Variants in MGAT2 observed in about 807,000 individuals in gnomAD.
The protein encoded by MGAT2 is Beta-1,2-N-acetylglucosaminyltransferase II.
Under a neutral mutation model 33.8 loss-of-function variants are expected in MGAT2, and 17 were observed. The ratio of observed to expected loss-of-function variants is 0.50; its 90% CI spans 0.34 to 0.76. The LOEUF (loss-of-function observed/expected upper bound fraction) is 0.76. Among genes scored for constraint, MGAT2 ranks in the 30% least tolerant of loss-of-function variants. The pLI, the probability that MGAT2 is intolerant of heterozygous loss-of-function variation, is 0.01. For synonymous variants in MGAT2, 248 were observed against 226.7 expected, an observed-to-expected ratio of 1.09 and a Z score of -0.84; for missense variants, 529 against 553.9, an observed-to-expected ratio of 0.96 and a Z score of 0.45.
At position 49,622,922 on chromosome 14, in the gene MGAT2, A is replaced by G. The variant is rs886050520; in HGVS notation, c.*310A>G. 18 of 210,314 alleles carry G rather than the reference A, an allele frequency of 8.6e-5. No homozygotes were observed. Among genetic ancestry groups the G allele is most frequent in the Admixed American group, 4.4e-4 (8 of 18,388 alleles). The allele number at this position is 210,314 out of a possible 1,614,324, so 13.0% of individuals were successfully genotyped here. A position where few individuals can be genotyped will look rare whatever the true frequency, so the allele number is the denominator to read the frequency against. On this transcript the variant is annotated 3_prime_UTR_variant, in exon 1 of 1. Transcript: ENST00000305386. ...TTAATCTTTTTATCTGAAACTTTGT[A>G]CACTTTTCCACTTTCAAAACCTATT...
rs1371429192 is a variant in MGAT2 at position 49,622,014 on chromosome 14, G to A, written c.746G>A (p.Arg249Gln). Residue 249 changes from arginine to glutamine, a missense_variant, in exon 1 of 1, where the codon CGA becomes CAA. By Grantham distance (43) the Arg-to-Gln change is conservative. Around this residue, in one of 2 missense-constraint regions of MGAT2, gnomAD observed 501 missense variants for 501.1 expected, o/e 1.00. Coordinates refer to ENST00000305386, the MANE Select transcript of MGAT2 (RefSeq NM_002408.4). ...HFVWERVKIL[R>Q]DYAGLILFLE... ...GTGTGGGAAAGAGTGAAAATTCTTC[G>A]AGATTATGCTGGCCTTATACTTTTC... 2.5e-6 allele frequency: 4 copies of A among 1,613,810 alleles called. No homozygotes were observed. In the African/African-American group the frequency reaches 5.3e-5, roughly 22 times the overall value.
Position 49,621,542 on chromosome 14 carries a change from C to G in MGAT2, c.274C>G (p.Arg92Gly). 1 of 1,613,522 alleles carries G rather than the reference C, an allele frequency of 6.2e-7. No homozygotes were observed. The highest frequency in any genetic ancestry group is 8.5e-7 in the Non-Finnish European group (1 of 1,179,902). ...GGCGGACAACCTGACGCTGCGGTAC[C>G]GGTCCCTGGTGTACCAGCTGAACTT... ...PEADNLTLRY[R>G]SLVYQLNFDQ... is the part of the protein sequence containing the mutation. The change falls in exon 1 of 1, where the codon CGG (arginine) becomes GGG (glycine). Residue 92 changes from arginine (R) to glycine (G), a missense_variant. Arg to Gly is a moderately radical substitution (Grantham distance 125). Transcript: ENST00000305386. The surrounding 1 kb of genome is among the most constrained non-coding windows in gnomAD (Gnocchi z 4.6).
rs1882880928 is a variant in MGAT2 at position 49,622,381 on chromosome 14, G to A, written c.1113G>A (p.Arg371=). 1.2e-6 allele frequency: 2 copies of A among 1,614,116 alleles called. No individual in the cohort carries two copies. The highest frequency in any genetic ancestry group is 8.5e-7 in the Non-Finnish European group (1 of 1,180,020). Residue 371 remains arginine, a synonymous_variant, in exon 1 of 1, where the codon AGG becomes AGA. Transcript: ENST00000305386. ...AAGTGCTGGTTCCTCAAATTCCTAG[G>A]ATCTTTCATGCTGGAGACTGTGGTA... ...FWKVLVPQIP[R]IFHAGDCGMH...
Position 49,620,840 on chromosome 14 carries a change from G to A in MGAT2, c.-429G>A, listed in dbSNP as rs886050513. The A allele has an allele frequency of 1.6e-6, 1 of 633,464 alleles. No homozygotes were observed. Among genetic ancestry groups the A allele is most frequent in the Admixed American group, 2.6e-5 (1 of 38,718 alleles). 39.2% of individuals were successfully genotyped at this position (633,464 alleles called of 1,614,324 possible). On this transcript the variant is annotated 5_prime_UTR_variant, in exon 1 of 1. Coordinates refer to ENST00000305386, the MANE Select transcript of MGAT2 (RefSeq NM_002408.4). ...ATAACGGTCCCCGCCGGAGTGAGGCGAGGCCGCGTCGCTCAGTTCTGGCCG... is the reference window on the plus strand; with the variant it reads ...ATAACGGTCCCCGCCGGAGTGAGGCAAGGCCGCGTCGCTCAGTTCTGGCCG...
At position 49,622,480 on chromosome 14, in the gene MGAT2, A is replaced by G. The variant is rs1228210878; in HGVS notation, c.1212A>G (p.Gln404=). 6 of 1,608,236 alleles carry G rather than the reference A, an allele frequency of 3.7e-6. No homozygotes were observed. The African/African-American group carries it at 5.4e-5, about 14-fold the overall frequency. ...QIESLLNNNK[Q]YMFPETLTIS... ...AGTCACTCTTAAATAATAACAAACA[A>G]TACATGTTTCCAGAAACTCTAACTA... is the stretch of plus-strand genomic sequence containing the variant. The change falls in exon 1 of 1, where the codon CAA becomes CAG. Residue 404 remains glutamine, a synonymous_variant. Transcript: ENST00000305386.
chr14:49,621,098 G>A lies in MGAT2; in HGVS notation c.-171G>A. On this transcript the variant is annotated 5_prime_UTR_variant, in exon 1 of 1. Transcript: ENST00000305386. This position sits in a 1 kb window ranked among gnomAD's most constrained non-coding sequence, Gnocchi z 4.6. ...GCAGGCGGCGCGGGGTAAATGAGAG[G>A]TCTCGGGCCCCAGGACCCCCGGGGC... The A allele has an allele frequency of 1.1e-6, 1 of 936,060 alleles. No homozygotes were observed. The highest frequency in any genetic ancestry group is 1.4e-5 in the South Asian group (1 of 72,022). The allele number at this position is 936,060 out of a possible 1,614,324, so 58.0% of individuals were successfully genotyped here.
chr14:49,621,128 G>C lies in MGAT2; in HGVS notation c.-141G>C. On this transcript the variant is annotated 5_prime_UTR_variant, in exon 1 of 1. Coordinates refer to ENST00000305386, the MANE Select transcript of MGAT2 (RefSeq NM_002408.4). This position sits in a 1 kb window ranked among gnomAD's most constrained non-coding sequence, Gnocchi z 4.6. ...GGGCCCCAGGACCCCCGGGGCCCGG[G>C]ATGAGTTAGCGAGGGCAGCCGCGGG... The C allele has an allele frequency of 7.8e-7, 1 of 1,290,208 alleles. No individual in the cohort carries two copies. The highest frequency in any genetic ancestry group is 2.5e-4 in the Middle Eastern group (1 of 3,930). The allele number at this position is 1,290,208 out of a possible 1,614,324, so 79.9% of individuals were successfully genotyped here.
rs886050514 is a variant in MGAT2, at chr14:49,620,909, G to T, written c.-360G>T. The T allele has an allele frequency of 1.4e-6, 1 of 700,972 alleles. No homozygotes were observed. Among genetic ancestry groups the T allele is most frequent in the Non-Finnish European group, 2.6e-6 (1 of 384,270 alleles). 43.4% of individuals were successfully genotyped at this position (700,972 alleles called of 1,614,324 possible). A position where few individuals can be genotyped will look rare whatever the true frequency, so the allele number is the denominator to read the frequency against. The stretch of plus-strand genomic sequence containing the variant: ...ATGAGAGCGCAGAGGACGCAGGGCC[G>T]CTGGAGGCGCAGGTAACGAAGCTAG... On this transcript the variant is annotated 5_prime_UTR_variant, in exon 1 of 1. Coordinates refer to ENST00000305386, the MANE Select transcript of MGAT2 (RefSeq NM_002408.4).
rs1415584595 is a variant in MGAT2, at chr14:49,621,945, A to G, written c.677A>G (p.Lys226Arg). 3.7e-6 allele frequency: 6 copies of G among 1,614,110 alleles called. No homozygotes were observed. Among genetic ancestry groups the G allele is most frequent in the Admixed American group, 1.7e-5 (1 of 60,002 alleles). The stretch of plus-strand genomic sequence containing the variant: ...TCCTTCGGCCATTATAGAGAGGCCA[A>G]ATTCTCCCAGACCAAACATCACTGG... ...PDSFGHYREA[K>R]FSQTKHHWWW... The change falls in exon 1 of 1, where the codon AAA (lysine) becomes AGA (arginine). Residue 226 changes from lysine (K) to arginine (R), a missense_variant. Physicochemically the swap from Lys to Arg is conservative, Grantham distance 26. Transcript: ENST00000305386. This position sits in a 1 kb window ranked among gnomAD's most constrained non-coding sequence, Gnocchi z 4.6.
In MGAT2 at chr14:49,621,224, G is replaced by A. The variant is rs1407690126; in HGVS notation, c.-45G>A. 6.2e-7 allele frequency: 1 copy of A among 1,610,142 alleles called. No homozygotes were observed. Among genetic ancestry groups the A allele is most frequent in the African/African-American group, 1.3e-5 (1 of 74,850 alleles). ...CCGCCCCTTCCGTGCAGAAGCAGCT[G>A]CTCCTTTCCGCGCCCGCCCGCCTGC... On this transcript the variant is annotated 5_prime_UTR_variant, in exon 1 of 1. Transcript: ENST00000305386. This position sits in a 1 kb window ranked among gnomAD's most constrained non-coding sequence, Gnocchi z 4.6.
At position 49,621,175 on chromosome 14, in the gene MGAT2, G is replaced by C; in HGVS notation, c.-94G>C. ...CGGGGGCCAGTTCCGACCGTGACAGGCCAAGGCGACGGCCGCCGCCCGCCC... is the reference window on the plus strand; with the variant it reads ...CGGGGGCCAGTTCCGACCGTGACAGCCCAAGGCGACGGCCGCCGCCCGCCC... On this transcript the variant is annotated 5_prime_UTR_variant, in exon 1 of 1. Transcript: ENST00000305386. This position sits in a 1 kb window ranked among gnomAD's most constrained non-coding sequence, Gnocchi z 4.6. 2 of 1,575,984 alleles carry C rather than the reference G, an allele frequency of 1.3e-6. No individual in the cohort carries two copies. The highest frequency in any genetic ancestry group is 1.1e-5 in the South Asian group (1 of 88,048).
Position 49,622,344 on chromosome 14 carries a change from C to G in MGAT2, c.1076C>G (p.Pro359Arg), listed in dbSNP as rs578121417. 1 of 1,614,154 alleles carries G rather than the reference C, an allele frequency of 6.2e-7. No homozygotes were observed. The highest frequency in any genetic ancestry group is 1.7e-5 in the Admixed American group (1 of 59,982). The change falls in exon 1 of 1, where the codon CCA becomes CGA. Residue 359 changes from proline (P) to arginine (R), a missense_variant. Physicochemically the swap from Pro to Arg is moderately radical, Grantham distance 103. Coordinates refer to ENST00000305386, the MANE Select transcript of MGAT2 (RefSeq NM_002408.4). ...CAATACTTGACTGTATCTTGTCTTC[C>G]AAAATTCTGGAAAGTGCTGGTTCCT... ...TLQYLTVSCL[P>R]KFWKVLVPQI...
chr14:49,622,257 A>T lies in MGAT2; in HGVS notation c.989A>T (p.Lys330Met). Residue 330 changes from lysine (K) to methionine (M), a missense_variant, in exon 1 of 1, where the codon AAG becomes ATG. This residue lies in a region of MGAT2 where 501 missense variants were observed against 501.1 expected (regional missense o/e 1.00). Coordinates refer to ENST00000305386, the MANE Select transcript of MGAT2 (RefSeq NM_002408.4). ...GCCTTGACCCGGAATGCCTATCAGAAGCTGATCGAGTGCACAGACACTTTC... is the reference window on the plus strand; with the variant it reads ...GCCTTGACCCGGAATGCCTATCAGATGCTGATCGAGTGCACAGACACTTTC... ...GLALTRNAYQ[K>M]LIECTDTFCT... 1 of 1,614,216 alleles carries T rather than the reference A, an allele frequency of 6.2e-7. No individual in the cohort carries two copies. Among genetic ancestry groups the T allele is most frequent in the South Asian group, 1.1e-5 (1 of 91,090 alleles).
In MGAT2 at chr14:49,620,877, T is replaced by C; in HGVS notation, c.-392T>C. 1.4e-6 allele frequency: 1 copy of C among 693,314 alleles called. No individual in the cohort carries two copies. Among genetic ancestry groups the C allele is most frequent in the South Asian group, 1.5e-5 (1 of 66,934 alleles). The allele number at this position is 693,314 out of a possible 1,614,324, so 42.9% of individuals were successfully genotyped here. On this transcript the variant is annotated 5_prime_UTR_variant, in exon 1 of 1. Transcript: ENST00000305386. ...CTCAGTTCTGGCCGTCTAGGGCCCC[T>C]GTAAGGATGAGAGCGCAGAGGACGC...
Position 49,622,486 on chromosome 14 carries a change from GT to G in MGAT2, c.1221del (p.Pro408GlnfsTer4). ...TCTTAAATAATAACAAACAATACATGTTTCCAGAAACTCTAACTATCAGTGA... is the reference window on the plus strand; with the variant it reads ...TCTTAAATAATAACAAACAATACATGTTCCAGAAACTCTAACTATCAGTGA... ...SLLNNNKQYM[F>X]PETLTISEKF... On this transcript the variant is annotated frameshift_variant, in exon 1 of 1. Coordinates refer to ENST00000305386, the MANE Select transcript of MGAT2 (RefSeq NM_002408.4). LOFTEE classifies it high-confidence loss of function. 6.2e-7 allele frequency: 1 copy of G among 1,607,808 alleles called. No homozygotes were observed. The highest frequency in any genetic ancestry group is 8.5e-7 in the Non-Finnish European group (1 of 1,177,048).
rs1486071213 is a variant in MGAT2 at position 49,622,290 on chromosome 14, A to T, written c.1022A>T (p.Tyr341Phe). The change falls in exon 1 of 1, where the codon TAT becomes TTT. Residue 341 changes from tyrosine (Y) to phenylalanine (F), a missense_variant. Coordinates refer to ENST00000305386, the MANE Select transcript of MGAT2 (RefSeq NM_002408.4). ...LIECTDTFCT[Y>F]DDYNWDWTLQ... is the part of the protein sequence containing the mutation. Reference sequence around the variant, plus strand: ...GAGTGCACAGACACTTTCTGTACTTATGATGATTATAACTGGGACTGGACT... The same window carrying T: ...GAGTGCACAGACACTTTCTGTACTTTTGATGATTATAACTGGGACTGGACT... 1.2e-6 allele frequency: 2 copies of T among 1,614,156 alleles called. No homozygotes were observed. The highest frequency in any genetic ancestry group is 1.7e-6 in the Non-Finnish European group (2 of 1,180,018).
rs1334778705 is a variant in MGAT2, at chr14:49,621,208, C to A, written c.-61C>A. The A allele has an allele frequency of 1.2e-6, 2 of 1,607,064 alleles. No individual in the cohort carries two copies. Among genetic ancestry groups the A allele is most frequent in the Non-Finnish European group, 1.7e-6 (2 of 1,178,220 alleles). On this transcript the variant is annotated 5_prime_UTR_variant, in exon 1 of 1. Coordinates refer to ENST00000305386, the MANE Select transcript of MGAT2 (RefSeq NM_002408.4). The surrounding 1 kb of genome is among the most constrained non-coding windows in gnomAD (Gnocchi z 4.6). ...GACGGCCGCCGCCCGCCCGCCCCTT[C>A]CGTGCAGAAGCAGCTGCTCCTTTCC...
chr14:49,620,840 G>T lies in MGAT2; in HGVS notation c.-429G>T. The T allele has an allele frequency of 1.6e-6, 1 of 633,464 alleles. No individual in the cohort carries two copies. The highest frequency in any genetic ancestry group is 2.6e-5 in the Admixed American group (1 of 38,718). 39.2% of individuals were successfully genotyped at this position (633,464 alleles called of 1,614,324 possible). Reference sequence around the variant, plus strand: ...ATAACGGTCCCCGCCGGAGTGAGGCGAGGCCGCGTCGCTCAGTTCTGGCCG... The same window carrying T: ...ATAACGGTCCCCGCCGGAGTGAGGCTAGGCCGCGTCGCTCAGTTCTGGCCG... On this transcript the variant is annotated 5_prime_UTR_variant, in exon 1 of 1. Transcript: ENST00000305386.
rs1313005437 is a variant in MGAT2 at position 49,622,376 on chromosome 14, C to T, written c.1108C>T (p.Pro370Ser). Residue 370 changes from proline (P) to serine (S), a missense_variant, in exon 1 of 1, where the codon CCT (proline) becomes TCT (serine). Physicochemically the swap from Pro to Ser is moderately conservative, Grantham distance 74. Around this residue, in one of 2 missense-constraint regions of MGAT2, gnomAD observed 501 missense variants for 501.1 expected, o/e 1.00. Coordinates refer to ENST00000305386, the MANE Select transcript of MGAT2 (RefSeq NM_002408.4). ...KFWKVLVPQIPRIFHAGDCGM... is the reference protein window; with the variant it reads ...KFWKVLVPQISRIFHAGDCGM... ...CTGGAAAGTGCTGGTTCCTCAAATT[C>T]CTAGGATCTTTCATGCTGGAGACTG... 2 of 1,614,172 alleles carry T rather than the reference C, an allele frequency of 1.2e-6. No homozygotes were observed. Among genetic ancestry groups the T allele is most frequent in the South Asian group, 1.1e-5 (1 of 91,078 alleles).
Sources: allele counts gnomAD v4.1 joint callset, GRCh38; gene constraint gnomAD v4.1.1; regional missense constraint gnomAD v4.1.1; non-coding constraint Gnocchi (gnomAD v3.1); transcripts MANE v1.5; gene names NCBI Gene and HGNC (gene_info 2026-07-23, HGNC 2026-07-21).